TNR: variants seen among roughly 807,000 people sequenced by gnomAD.
TNR encodes the protein tenascin R, also known as tenascin-R.
Under a neutral mutation model 150.4 loss-of-function variants are expected in TNR, and 45 were observed. The observed-to-expected ratio is 0.30, with a 90% confidence interval of 0.24 to 0.38. The LOEUF (loss-of-function observed/expected upper bound fraction) is 0.38. Among genes scored for constraint, TNR ranks in the 10% least tolerant of loss-of-function variants. The pLI is 1.00. For missense variants in TNR, 1,544 were observed against 1,759.1 expected (o/e 0.88, Z 2.19); for synonymous variants, 687 against 678.4 (o/e 1.01, Z -0.20).
intron 2 of TNR, among the ~76,000 whole-genome samples, chr1:175,434,902 C>T (rs1421542801): frequency 6.6e-6 from 1 of 152,208 alleles, no homozygotes; most frequent in Non-Finnish European, 1.5e-5. Context: ...TCACCTCTTC[C>T]AGGTTGCTTT....
chr1:175,499,004 CAA>C (rs971909826), intron 2 of TNR, among the ~76,000 whole-genome samples: 6 of 152,182 alleles, frequency 3.9e-5, no homozygotes, highest in African/African-American at 1.2e-4. Context: ...AGAAAAACAA[CAA>C]GAGAGGCAAC....
intron 1 of TNR, among the ~76,000 whole-genome samples, chr1:175,602,301 A>G (rs1181814347): frequency 6.6e-6 from 1 of 152,016 alleles, no homozygotes; most frequent in African/African-American, 2.4e-5. Context: ...CTGGTCCTCA[A>G]ATTGCATCAG....
chr1:175,644,733 G>A (rs1236765338), intron 1 of TNR, among the ~76,000 whole-genome samples: 1 of 152,228 alleles, frequency 6.6e-6, no homozygotes, highest in Non-Finnish European at 1.5e-5. Flanking sequence ...ATGCATGTTT[G>A]CTAAATACAG....
At chr1:175,571,271 A>C (rs2102219695) in intron 1 of TNR, among the ~76,000 whole-genome samples, 1 of 152,194 alleles carries the variant, frequency 6.6e-6, no homozygotes, top group Admixed American at 6.5e-5. Context: ...TCTCTCTTTT[A>C]GTGCCTTTTT....
At chr1:175,647,932 A>G (rs1208643813) in intron 1 of TNR, among the ~76,000 whole-genome samples, 1 of 152,164 alleles carries the variant, frequency 6.6e-6, no homozygotes, top group African/African-American at 2.4e-5. Context: ...ACTGTGTTCA[A>G]GTGCAGGTGG....
intron 1 of TNR, among the ~76,000 whole-genome samples, chr1:175,588,544 T>C (rs16848728): frequency 0.12 from 18,639 of 152,042 alleles, 1,447 homozygotes; most frequent in African/African-American, 0.22. Context: ...GCAGTGAAAC[T>C]TTTTCTCTCT....
At chr1:175,652,689 C>T (rs1228266130) in intron 1 of TNR, among the ~76,000 whole-genome samples, 1 of 152,154 alleles carries the variant, frequency 6.6e-6, no homozygotes, top group African/African-American at 2.4e-5. Context: ...GTGCCTGCTT[C>T]CCCTTTGCCT....
intron 2 of TNR, among the ~76,000 whole-genome samples, chr1:175,499,148 T>C (rs1658617529): frequency 6.6e-6 from 1 of 152,248 alleles, no homozygotes; most frequent in Non-Finnish European, 1.5e-5. Context: ...TTTTTGTTTT[T>C]ATTGTCAGCT....
chr1:175,405,975 C>G (rs1653938095), intron 3 of TNR, among the ~76,000 whole-genome samples: 2 of 152,206 alleles, frequency 1.3e-5, no homozygotes, highest in African/African-American at 4.8e-5. Context: ...ACTGGCTATG[C>G]AGTGTAGAAA....
At chr1:175,383,297 C>T (rs1652771655) in intron 8 of TNR, among the ~76,000 whole-genome samples, 1 of 152,194 alleles carries the variant, frequency 6.6e-6, no homozygotes, top group African/African-American at 2.4e-5. Flanking sequence ...ACAATTCAAC[C>T]TATAATAGCA....
chr1:175,397,259 T>C (rs970666016), intron 4 of TNR, among the ~76,000 whole-genome samples: 1 of 152,254 alleles, frequency 6.6e-6, no homozygotes, highest in Non-Finnish European at 1.5e-5. Flanking sequence ...GGTGAAAATA[T>C]TCTATGATTG....
Position 175,331,078 on chromosome 1 carries a change from C to CTTCCTTCTTTCTTTCTTTCTTTCT in TNR, c.3632-844_3632-843insAGAAAGAAAGAAAGAAAGAAGGAA, listed in dbSNP as rs1649829693. Among the ~76,000 whole-genome samples, 63 of 59,948 alleles carry CTTCCTTCTTTCTTTCTTTCTTTCT rather than the reference C, an allele frequency of 1.1e-3. 2 individuals carry two copies. Among genetic ancestry groups the CTTCCTTCTTTCTTTCTTTCTTTCT allele is most frequent in the African/African-American group, 3.8e-3 (61 of 15,866 alleles). The allele number at this position is 59,948 out of a possible 152,430, so 39.3% of individuals were successfully genotyped here. On this transcript the variant is annotated intron_variant, in intron 20 of 22. Coordinates refer to ENST00000367674, the MANE Select transcript of TNR (RefSeq NM_003285.3). The stretch of plus-strand genomic sequence containing the variant: ...CTTTCTTTCTTTCTTTCTTTCTTTC[C>CTTCCTTCTTTCTTTCTTTCTTTCT]TTCTTTCTTTCTTTCTTTCTTTCTC...
chr1:175,621,795 C>T (rs1444906555), intron 1 of TNR, among the ~76,000 whole-genome samples: 1 of 152,192 alleles, frequency 6.6e-6, no homozygotes, highest in Non-Finnish European at 1.5e-5. Flanking sequence ...CAACATTCAA[C>T]ATGTTTTGAA....
At chr1:175,452,622 T>A (rs1656377930) in intron 2 of TNR, among the ~76,000 whole-genome samples, 1 of 152,056 alleles carries the variant, frequency 6.6e-6, no homozygotes, top group South Asian at 2.1e-4. Context: ...GGGACAAAGG[T>A]GACAGAAGCT....
chr1:175,355,666 GC>G (rs558738258), intron 16 of TNR, 33 bp from the exon 17 acceptor site: 197 of 1,611,592 alleles, frequency 1.2e-4, no homozygotes, highest in Admixed American at 1.2e-3. Flanking sequence ...GGGCATGCCT[GC>G]CTCTCCAGCT....
chr1:175,373,805 C>T (rs1277577022), intron 9 of TNR, among the ~76,000 whole-genome samples: 1 of 152,168 alleles, frequency 6.6e-6, no homozygotes, highest in African/African-American at 2.4e-5. Flanking sequence ...CCCCTTATCC[C>T]CAGCCTTTAA....
In TNR at chr1:175,386,910, G is replaced by A. The variant is rs114730861; in HGVS notation, c.1508-609C>T. ...GTAAACTTGCTTCTCTGGATAAAAG[G>A]ATAAAAAGGACCCCAGCTTCGGAAC... On this transcript the variant is annotated intron_variant, in intron 7 of 22. Coordinates refer to ENST00000367674, the MANE Select transcript of TNR (RefSeq NM_003285.3). Among the ~76,000 whole-genome samples the A allele has an allele frequency of 3.7e-3, 560 of 152,288 alleles. 1 individual carries two copies. Among genetic ancestry groups the A allele is most frequent in the African/African-American group, 0.012 (507 of 41,570 alleles).
intron 1 of TNR, among the ~76,000 whole-genome samples, chr1:175,606,192 G>T (rs1004937017): frequency 1.3e-5 from 2 of 152,054 alleles, no homozygotes; most frequent in East Asian, 3.9e-4. Flanking sequence ...AGGCGCCAAG[G>T]TTTCCTTAAC....
chr1:175,530,932 G>A (rs905764706), intron 1 of TNR, among the ~76,000 whole-genome samples: 5 of 152,160 alleles, frequency 3.3e-5, no homozygotes, highest in Non-Finnish European at 7.3e-5. Context: ...TGAGAGCCTT[G>A]TGAGTACCCA....
Sources: allele counts gnomAD v4.1 joint callset (sites outside exome capture counted in the v4.1 genomes callset), GRCh38; gene constraint gnomAD v4.1.1; transcripts MANE v1.5; gene names NCBI Gene and HGNC (gene_info 2026-07-23, HGNC 2026-07-21).